Variants in CD70 observed in about 807,000 individuals in gnomAD.
CD70 encodes the protein CD70 molecule, also known as CD70 antigen.
A neutral mutation model predicts 9.0 loss-of-function variants in CD70; 6 were observed. The observed-to-expected ratio is 0.67, with a 90% CI of 0.37 to 1.32. The LOEUF is 1.32. Among genes scored for constraint, CD70 ranks in the 40% most tolerant of loss-of-function variants. The probability of loss-of-function intolerance (pLI) is 0.02; values close to 1 mark genes in which losing one functional copy is unlikely to be tolerated. For missense variants in CD70, 235 were observed against 258.7 expected, an observed-to-expected ratio of 0.91 and a Z score of 0.63; for synonymous variants, 108 against 112.3, an observed-to-expected ratio of 0.96 and a Z score of 0.24.
chr19:6,582,653 G>T (rs1383735727), downstream of CD70, among the ~76,000 whole-genome samples: 4 of 151,992 alleles, frequency 2.6e-5, 1 homozygote, highest in East Asian at 7.7e-4. Context: ...TCAGAATGAT[G>T]GTTTCCAGCT....
At chr19:6,581,904 G>A (rs960065157), downstream of CD70, among the ~76,000 whole-genome samples, 16 of 152,136 alleles carry the variant, frequency 1.1e-4, no homozygotes, top group African/African-American at 3.6e-4. Flanking sequence ...AAAATCAAAA[G>A]CAAGTTAGTT....
At chr19:6,587,064 GCA>G (rs1221434737) in intron 2 of CD70, among the ~76,000 whole-genome samples, 8 of 151,254 alleles carry the variant, frequency 5.3e-5, no homozygotes, top group African/African-American at 1.9e-4. Flanking sequence ...GAGAGAGAGA[GCA>G]TGAGAGAGCG....
downstream of CD70, among the ~76,000 whole-genome samples, chr19:6,582,590 A>G (rs936536597): frequency 1.4e-5 from 2 of 141,692 alleles, no homozygotes; most frequent in African/African-American, 5.3e-5. Flanking sequence ...TTCAATTTCC[A>G]CCTATGAGTG....
downstream of CD70, among the ~76,000 whole-genome samples, chr19:6,584,224 T>C (rs1305921060): frequency 2.0e-5 from 3 of 149,748 alleles, no homozygotes; most frequent in Non-Finnish European, 4.4e-5. Context: ...AAAGATGGTA[T>C]AAGCGCTAGG....
intron 2 of CD70, among the ~76,000 whole-genome samples, chr19:6,588,385 G>A (rs1338594722): frequency 6.6e-6 from 1 of 152,116 alleles, no homozygotes; most frequent in Non-Finnish European, 1.5e-5. Flanking sequence ...GGCAAAGGCC[G>A]GGGAGGGGGG....
rs1916135137 is a variant in CD70, at chr19:6,590,578, G to A, written c.162+263C>T. On this transcript the variant is annotated intron_variant, in intron 1 of 2. Transcript: ENST00000245903. This position sits in a 1 kb window ranked among gnomAD's most constrained non-coding sequence, Gnocchi z 5.3. ...CCAGCAGCCTCTGAGTCAGCCTGCC[G>A]GGGGAACACCAGAGCCGAGTCATCT... Among the ~76,000 whole-genome samples the A allele has an allele frequency of 6.6e-6, 1 of 152,092 alleles. No individual in the cohort carries two copies. Among genetic ancestry groups the A allele is most frequent in the African/African-American group, 2.4e-5 (1 of 41,434 alleles).
chr19:6,587,144 G>C (rs1296856422), intron 2 of CD70, among the ~76,000 whole-genome samples: 1 of 150,586 alleles, frequency 6.6e-6, no homozygotes, highest in Non-Finnish European at 1.5e-5. Context: ...GAGCACGAGA[G>C]AGCAGGAGAG....
downstream of CD70, among the ~76,000 whole-genome samples, chr19:6,584,647 C>T (rs1261614745): frequency 2.9e-5 from 4 of 139,412 alleles, no homozygotes; most frequent in South Asian, 2.3e-4. Context: ...ATCGGCATTT[C>T]GGGAGATTGG....
chr19:6,583,433 A>C (rs746067273), downstream of CD70: 2 of 683,868 alleles, frequency 2.9e-6, no homozygotes, highest in Non-Finnish European at 5.3e-6. Context: ...TAAATGCCGT[A>C]AGAAGCACTT....
At position 6,590,862 on chromosome 19, in the gene CD70, C is replaced by G. The variant is rs199561952; in HGVS notation, c.141G>C (p.Gln47His). Reference sequence around the variant, plus strand: ...TCACCCCAAGTGACTCGAGCGGCAGCTGCTGCTGAGCCTGTGCGAAGCGCT... The same window carrying G: ...TCACCCCAAGTGACTCGAGCGGCAGGTGCTGCTGAGCCTGTGCGAAGCGCT... Reference protein sequence around the residue: ...CIQRFAQAQQQLPLESLGWDV... With the variant: ...CIQRFAQAQQHLPLESLGWDV... The change falls in exon 1 of 3, where the codon CAG (glutamine) becomes CAC (histidine). Residue 47 changes from glutamine to histidine, a missense_variant. Physicochemically the swap from Gln to His is conservative, Grantham distance 24. Transcript: ENST00000245903. This position sits in a 1 kb window ranked among gnomAD's most constrained non-coding sequence, Gnocchi z 5.3. 1.9e-6 allele frequency: 3 copies of G among 1,613,314 alleles called. No individual in the cohort carries two copies. The African/African-American group carries it at 4.0e-5, about 22-fold the overall frequency.
downstream of CD70, among the ~76,000 whole-genome samples, chr19:6,585,414 G>A (rs796301880): frequency 9.3e-5 from 14 of 149,736 alleles, no homozygotes; most frequent in African/African-American, 3.0e-4. Flanking sequence ...GCATGATCAC[G>A]GCTCACTGCA....
Position 6,591,022 on chromosome 19 carries a change from G to A in CD70, c.-20C>T. On this transcript the variant is annotated 5_prime_UTR_variant, in exon 1 of 3. Coordinates refer to ENST00000245903, the MANE Select transcript of CD70 (RefSeq NM_001252.5). ...CGGCATCGCCGCGGCGATCACCTCC[G>A]CTAGCGCAGGAGGGGCGATGGGGGC... 1 of 1,581,256 alleles carries A rather than the reference G, an allele frequency of 6.3e-7. No individual in the cohort carries two copies. Among genetic ancestry groups the A allele is most frequent in the Non-Finnish European group, 8.6e-7 (1 of 1,160,554 alleles).
Position 6,590,998 on chromosome 19 carries a change from G to A in CD70, c.5C>T (p.Pro2Leu). The A allele has an allele frequency of 8.8e-6, 14 of 1,591,228 alleles. No individual in the cohort carries two copies. Among genetic ancestry groups the A allele is most frequent in the Non-Finnish European group, 1.2e-5 (14 of 1,166,342 alleles). M[P>L]EEGSGCSVRR... Reference sequence around the variant, plus strand: ...CACCGAGCAGCCCGAACCCTCCTCCGGCATCGCCGCGGCGATCACCTCCGC... The same window carrying A: ...CACCGAGCAGCCCGAACCCTCCTCCAGCATCGCCGCGGCGATCACCTCCGC... Residue 2 changes from proline (P) to leucine (L), a missense_variant, in exon 1 of 3, where the codon CCG becomes CTG. Physicochemically the swap from Pro to Leu is moderately conservative, Grantham distance 98 (BLOSUM62 -3). Coordinates refer to ENST00000245903, the MANE Select transcript of CD70 (RefSeq NM_001252.5). The surrounding 1 kb of genome is among the most constrained non-coding windows in gnomAD (Gnocchi z 5.3).
chr19:6,587,157 T>G (rs1354428032), intron 2 of CD70, among the ~76,000 whole-genome samples: 3 of 101,846 alleles, frequency 2.9e-5, no homozygotes, highest in African/African-American at 1.2e-4. Flanking sequence ...CAGGAGAGAG[T>G]GCAAGAGACA....
chr19:6,583,699 G>C (rs2354574), downstream of CD70, among the ~76,000 whole-genome samples: 108,567 of 150,458 alleles, frequency 0.72, 40,893 homozygotes, highest in Non-Finnish European at 0.83. Context: ...GCATGGATTA[G>C]AGGTGCCCAT....
At position 6,589,248 on chromosome 19, in the gene CD70, T is replaced by G. The variant is rs534401102; in HGVS notation, c.196+855A>C. 2.6e-4 allele frequency among the ~76,000 whole-genome samples: 17 copies of G among 64,444 alleles called. No homozygotes were observed. The East Asian group carries it at 0.074, about 282-fold the overall frequency. 42.3% of individuals were successfully genotyped at this position (64,444 alleles called of 152,430 possible). The stretch of plus-strand genomic sequence containing the variant: ...CCTTCTCTTTTCCTCTCTCTGGCTT[T>G]CTTTCTTTTCTTTCTCTTATTTCTT... On this transcript the variant is annotated intron_variant, in intron 2 of 2. Coordinates refer to ENST00000245903, the MANE Select transcript of CD70 (RefSeq NM_001252.5).
rs1916002749 is a variant in CD70, at chr19:6,585,842, T to TTTTTGTA, written c.*171_*177dup. 2 of 556,958 alleles carry TTTTTGTA rather than the reference T, an allele frequency of 3.6e-6. No homozygotes were observed. The highest frequency in any genetic ancestry group is 1.9e-5 in the African/African-American group (1 of 53,090). The allele number at this position is 556,958 out of a possible 1,614,324, so 34.5% of individuals were successfully genotyped here. On this transcript the variant is annotated 3_prime_UTR_variant, in exon 3 of 3. Transcript: ENST00000245903. ...GATGCACGCCACGAAGCCCAGCTGA[T>TTTTTGTA]TTTTGTATTTTTTAATAGGAAAATG... is the stretch of plus-strand genomic sequence containing the variant.
At chr19:6,584,547 C>T (rs1915978663), downstream of CD70, among the ~76,000 whole-genome samples, 1 of 133,906 alleles carries the variant, frequency 7.5e-6, no homozygotes, top group African/African-American at 2.9e-5. Flanking sequence ...TCTTTAAATA[C>T]TGGTAAATTC....
chr19:6,591,079 C>T lies in CD70; in HGVS notation c.-77G>A, dbSNP rs2145325799. 1 of 1,449,366 alleles carries T rather than the reference C, an allele frequency of 6.9e-7. No homozygotes were observed. Among genetic ancestry groups the T allele is most frequent in the African/African-American group, 1.4e-5 (1 of 70,054 alleles). The allele number at this position is 1,449,366 out of a possible 1,614,324, so 89.8% of individuals were successfully genotyped here. The stretch of plus-strand genomic sequence containing the variant: ...CGCTGCCGAGAAGGAAGGAAGGAAA[C>T]TGCAGCCCCCTCCCGGGGCTCCTGG... On this transcript the variant is annotated 5_prime_UTR_variant, in exon 1 of 3. Coordinates refer to ENST00000245903, the MANE Select transcript of CD70 (RefSeq NM_001252.5).
Sources: allele counts gnomAD v4.1 joint callset (sites outside exome capture counted in the v4.1 genomes callset), GRCh38; gene constraint gnomAD v4.1.1; non-coding constraint Gnocchi (gnomAD v3.1); transcripts MANE v1.5; gene names NCBI Gene and HGNC (gene_info 2026-07-23, HGNC 2026-07-21).